The following IQCJ variants were observed in gnomAD, a reference collection of about 807,000 sequenced individuals.
IQCJ encodes the protein IQ motif containing J, also known as IQ domain-containing protein J.
IQCJ carries 9 observed loss-of-function variants against 11.0 expected under a neutral mutation model. That is an observed-to-expected ratio of 0.82 (90% confidence interval 0.49 to 1.43). IQCJ has a LOEUF of 1.43. Among genes scored for constraint, IQCJ ranks in the 40% most tolerant of loss-of-function variants. The pLI is 0.00. For synonymous variants in IQCJ, 55 were observed against 51.3 expected (o/e 1.07, Z -0.31); for missense variants, 146 against 133.2 (o/e 1.10, Z -0.47).
intron 1 of IQCJ, among the ~76,000 whole-genome samples, chr3:159,209,885 G>T (rs1724859179): frequency 6.6e-6 from 1 of 152,222 alleles, no homozygotes; most frequent in Non-Finnish European, 1.5e-5. Flanking sequence ...CTGAGATTCA[G>T]AAGGGTTGGG....
chr3:159,088,511 C>A (rs1333940745), intron 1 of IQCJ, among the ~76,000 whole-genome samples: 1 of 152,118 alleles, frequency 6.6e-6, no homozygotes, highest in Non-Finnish European at 1.5e-5. Context: ...CTAATGTTGA[C>A]AGTGGGGTGC....
chr3:159,158,122 G>A (rs1474606808), intron 1 of IQCJ, among the ~76,000 whole-genome samples: 2 of 152,204 alleles, frequency 1.3e-5, no homozygotes, highest in African/African-American at 4.8e-5. Flanking sequence ...ATATTTATAT[G>A]TGCAATTTTC....
In IQCJ at chr3:159,232,059, T is replaced by C. The variant is rs564739260; in HGVS notation, c.10-13784T>C. Among the ~76,000 whole-genome samples, 3 of 152,330 alleles carry C rather than the reference T, an allele frequency of 2.0e-5. 1 individual carries two copies. Among genetic ancestry groups the C allele is most frequent in the African/African-American group, 7.2e-5 (3 of 41,590 alleles). ...AGTCTGGCTAGTGGTCTATCTATTT[T>C]GTTGATCTTTTCAAAAAACCAGCTC... On this transcript the variant is annotated intron_variant, in intron 1 of 3. Transcript: ENST00000397832.
intron 1 of IQCJ, among the ~76,000 whole-genome samples, chr3:159,200,155 TA>T (rs1724244528): frequency 1.4e-5 from 2 of 140,784 alleles, no homozygotes; most frequent in East Asian, 4.3e-4. Flanking sequence ...ATTAAGTCCT[TA>T]ATAAGTATAA....
intron 1 of IQCJ, among the ~76,000 whole-genome samples, chr3:159,164,382 C>T (rs1035938328): frequency 6.6e-6 from 1 of 152,154 alleles, no homozygotes; most frequent in Non-Finnish European, 1.5e-5. Context: ...AGGTTTATTG[C>T]TTTGTCTTAC....
At chr3:159,265,245 C>T (rs200110938), downstream of IQCJ, 128 of 1,613,542 alleles carry the variant, frequency 7.9e-5, no homozygotes, top group African/African-American at 1.4e-3. Context: ...GAAGATTCAT[C>T]CTTACATCTC....
chr3:159,171,020 TA>T (rs1722456873), intron 1 of IQCJ, among the ~76,000 whole-genome samples: 2 of 152,174 alleles, frequency 1.3e-5, no homozygotes, highest in African/African-American at 4.8e-5. Flanking sequence ...TATAAGCTAG[TA>T]ATTTAGTAAT....
At chr3:159,137,263 GAAAAAAA>G (rs60336189) in intron 1 of IQCJ, among the ~76,000 whole-genome samples, 3,277 of 127,132 alleles carry the variant, frequency 0.026, 117 homozygotes, top group African/African-American at 0.086. Flanking sequence ...CTCCATCTTG[GAAAAAAA>G]AAAAAAAAGA....
chr3:159,204,985 C>T (rs975037946), intron 1 of IQCJ, among the ~76,000 whole-genome samples: 4 of 152,216 alleles, frequency 2.6e-5, no homozygotes, highest in Non-Finnish European at 5.9e-5. Flanking sequence ...TCCTTATCTT[C>T]CACTCTGGAC....
chr3:159,229,223 G>C (rs1726043567), intron 1 of IQCJ, among the ~76,000 whole-genome samples: 1 of 152,124 alleles, frequency 6.6e-6, no homozygotes, highest in African/African-American at 2.4e-5. Context: ...TCTGCACACA[G>C]GCATGCCATT....
chr3:159,160,858 G>T (rs954120628), intron 1 of IQCJ, among the ~76,000 whole-genome samples: 6 of 152,078 alleles, frequency 3.9e-5, no homozygotes, highest in African/African-American at 1.4e-4. Context: ...CAAAGGACAT[G>T]AACTCATCAT....
intron 1 of IQCJ, among the ~76,000 whole-genome samples, chr3:159,100,996 G>T (rs1717857662): frequency 1.6e-4 from 3 of 18,284 alleles, no homozygotes; most frequent in Admixed American, 9.9e-4. Flanking sequence ...TTTGATCTCA[G>T]ACTGCTGTGC....
At chr3:159,151,632 A>G (rs1721227500) in intron 1 of IQCJ, among the ~76,000 whole-genome samples, 1 of 152,118 alleles carries the variant, frequency 6.6e-6, no homozygotes, top group Non-Finnish European at 1.5e-5. Context: ...AAATTTAAGG[A>G]GAGTCAGACT....
At chr3:159,243,510 G>A (rs1577108830) in intron 1 of IQCJ, among the ~76,000 whole-genome samples, 1 of 152,186 alleles carries the variant, frequency 6.6e-6, no homozygotes, top group Non-Finnish European at 1.5e-5. Flanking sequence ...AGTTAATTAA[G>A]CTGGACACAA....
chr3:159,085,172 G>A (rs1025335967), intron 1 of IQCJ, among the ~76,000 whole-genome samples: 3 of 151,778 alleles, frequency 2.0e-5, no homozygotes, highest in African/African-American at 7.3e-5. Context: ...GCAGTGTTTG[G>A]GTTTTTGTTC....
intron 1 of IQCJ, among the ~76,000 whole-genome samples, chr3:159,151,570 C>T (rs1303529865): frequency 6.6e-6 from 1 of 152,204 alleles, no homozygotes; most frequent in African/African-American, 2.4e-5. Flanking sequence ...AGTTACTTAC[C>T]TGCACTGGTC....
chr3:159,179,693 A>G (rs1722985034), intron 1 of IQCJ, among the ~76,000 whole-genome samples: 1 of 152,226 alleles, frequency 6.6e-6, no homozygotes, highest in Non-Finnish European at 1.5e-5. Flanking sequence ...GACAATAGCT[A>G]TAAAAATACG....
chr3:159,121,845 T>C (rs571097335), intron 1 of IQCJ, among the ~76,000 whole-genome samples: 2 of 152,344 alleles, frequency 1.3e-5, no homozygotes, highest in South Asian at 4.1e-4. Flanking sequence ...TTCCCTAATA[T>C]TGAACCCTGC....
intron 1 of IQCJ, among the ~76,000 whole-genome samples, chr3:159,118,307 GT>G (rs1006133909): frequency 2.6e-5 from 4 of 152,084 alleles, no homozygotes. Context: ...AGCAGAACTA[GT>G]TGGTAGATGC....
Sources: gnomAD v4.1 joint callset for allele counts (sites outside exome capture counted in the v4.1 genomes callset) on GRCh38, gnomAD v4.1.1 for gene constraint, MANE v1.5 for transcripts, NCBI Gene and HGNC (gene_info 2026-07-23, HGNC 2026-07-21) for gene names.